Variants in UGT2B7 observed in about 807,000 individuals in gnomAD.
UGT2B7 encodes UDP glucuronosyltransferase family 2 member B7.
In UGT2B7, 51 loss-of-function variants were observed where a neutral mutation model predicts 51.9. The ratio of observed to expected loss-of-function variants is 0.98; its 90% CI spans 0.78 to 1.24. The LOEUF (loss-of-function observed/expected upper bound fraction) is 1.24, where lower values mean the gene tolerates loss of function less well. Among genes scored for constraint, UGT2B7 ranks in the 50% most tolerant of loss-of-function variants. The probability of loss-of-function intolerance (pLI) is 0.00; values close to 1 mark genes in which losing one functional copy is unlikely to be tolerated. For missense variants in UGT2B7, 727 were observed against 628.4 expected (o/e 1.16, Z -1.68); for synonymous variants, 225 against 211.6 (o/e 1.06, Z -0.55).
intron 1 of UGT2B7, among the ~76,000 whole-genome samples, chr4:69,054,915 T>A (rs1718142030): frequency 6.6e-6 from 1 of 151,638 alleles, no homozygotes; most frequent in Non-Finnish European, 1.5e-5. Flanking sequence ...ATTGCTACAG[T>A]CCTATTATTT....
intron 1 of UGT2B7, among the ~76,000 whole-genome samples, chr4:69,056,292 C>T (rs1168034824): frequency 6.6e-6 from 1 of 152,176 alleles, no homozygotes; most frequent in Non-Finnish European, 1.5e-5. Context: ...CATCTAAATG[C>T]TCAACCGAAT....
chr4:69,069,259 C>T (rs140778336), intron 1 of UGT2B7, among the ~76,000 whole-genome samples: 1 of 152,138 alleles, frequency 6.6e-6, no homozygotes, highest in East Asian at 1.9e-4. Flanking sequence ...TGTACCTGAC[C>T]TTGTCAGATT....
At chr4:69,068,613 T>C (rs1031578032) in intron 1 of UGT2B7, among the ~76,000 whole-genome samples, 1 of 152,008 alleles carries the variant, frequency 6.6e-6, no homozygotes, top group African/African-American at 2.4e-5. Context: ...ATATTGAATG[T>C]GTATGACACA....
intron 1 of UGT2B7, among the ~76,000 whole-genome samples, chr4:69,075,229 G>C (rs952876656): frequency 2.0e-5 from 3 of 152,044 alleles, no homozygotes; most frequent in African/African-American, 7.2e-5. Flanking sequence ...ATTAAACCGT[G>C]GTCCCTCCCC....
At chr4:69,093,116 T>A (rs1053909828), upstream of UGT2B7, among the ~76,000 whole-genome samples, 31 of 148,892 alleles carry the variant, frequency 2.1e-4, no homozygotes, top group African/African-American at 7.7e-4. Flanking sequence ...TCCCAGGGAG[T>A]TTTCAAATCT....
At chr4:69,055,452 T>C (rs1718165062) in intron 1 of UGT2B7, among the ~76,000 whole-genome samples, 1 of 148,842 alleles carries the variant, frequency 6.7e-6, no homozygotes. Flanking sequence ...TAAAGAAAAA[T>C]ATGTAACATT....
At chr4:69,106,179 G>T (rs868008777) in intron 3 of UGT2B7, among the ~76,000 whole-genome samples, 1 of 151,852 alleles carries the variant, frequency 6.6e-6, no homozygotes, top group Admixed American at 6.6e-5. Flanking sequence ...TGTCATGGGG[G>T]GTTATTGTAC....
chr4:69,055,098 T>TAAAAAAAAAAAAAAAAAAAAAAAAAA (rs1178892377), intron 1 of UGT2B7, among the ~76,000 whole-genome samples: 5 of 22,562 alleles, frequency 2.2e-4, no homozygotes, highest in African/African-American at 4.0e-4. Flanking sequence ...AAGTAATAGC[T>TAAAAAAAAAAAAAAAAAAAAAAAAAA]AAAAAAAAAA....
intron 1 of UGT2B7, among the ~76,000 whole-genome samples, chr4:69,063,009 C>T (rs1435352024): frequency 2.0e-5 from 3 of 152,098 alleles, no homozygotes; most frequent in Admixed American, 2.0e-4. Flanking sequence ...TATTAGGATG[C>T]CGTCACTGCA....
intron 1 of UGT2B7, among the ~76,000 whole-genome samples, chr4:69,057,486 T>C (rs1577905336): frequency 6.6e-6 from 1 of 152,314 alleles, no homozygotes; most frequent in East Asian, 1.9e-4. Flanking sequence ...TCTCAAAATA[T>C]TTAACGTAAG....
intron 1 of UGT2B7, among the ~76,000 whole-genome samples, chr4:69,055,622 A>T (rs770367301): frequency 7.2e-5 from 11 of 152,220 alleles, no homozygotes; most frequent in Admixed American, 3.9e-4. Flanking sequence ...TTTTGCAATT[A>T]GCCGAACACA....
chr4:69,056,555 G>A (rs1011282036), intron 1 of UGT2B7, among the ~76,000 whole-genome samples: 4 of 152,198 alleles, frequency 2.6e-5, no homozygotes, highest in African/African-American at 9.6e-5. Flanking sequence ...ATGTACCCAT[G>A]CAAGTGTGGC....
chr4:69,062,434 C>A (rs758299153), intron 1 of UGT2B7, among the ~76,000 whole-genome samples: 3 of 152,196 alleles, frequency 2.0e-5, no homozygotes, highest in Non-Finnish European at 2.9e-5. Context: ...ACCCAGTACA[C>A]CCTTTCAAAC....
Position 69,097,309 on chromosome 4 carries a change from T to A in UGT2B7, c.721+68T>A. 8 of 1,532,078 alleles carry A rather than the reference T, an allele frequency of 5.2e-6. No individual in the cohort carries two copies. The South Asian group carries it at 1.0e-4, about 19-fold the overall frequency. The allele number at this position is 1,532,078 out of a possible 1,614,324, so 94.9% of individuals were successfully genotyped here. A position where few individuals can be genotyped will look rare whatever the true frequency, so the allele number is the denominator to read the frequency against. On this transcript the variant is annotated intron_variant, in intron 1 of 5. Coordinates refer to ENST00000305231, the MANE Select transcript of UGT2B7 (RefSeq NM_001074.4). ...TTGTGTCTTTGAAGCAGAGCTTATATAAAGCCATAAAGTCAGGGTAGTGGG... is the reference window on the plus strand; with the variant it reads ...TTGTGTCTTTGAAGCAGAGCTTATAAAAAGCCATAAAGTCAGGGTAGTGGG...
At chr4:69,055,351 A>G (rs1718161581) in intron 1 of UGT2B7, among the ~76,000 whole-genome samples, 1 of 150,892 alleles carries the variant, frequency 6.6e-6, no homozygotes, top group Non-Finnish European at 1.5e-5. Context: ...ACTCCAAAAA[A>G]AAAAAAAGGT....
chr4:69,059,307 C>G (rs532461679), intron 1 of UGT2B7, among the ~76,000 whole-genome samples: 320 of 152,264 alleles, frequency 2.1e-3, no homozygotes, highest in African/African-American at 7.6e-3. Flanking sequence ...ATCGGTTGGT[C>G]AAAGAGGTGT....
intron 1 of UGT2B7, among the ~76,000 whole-genome samples, chr4:69,070,795 G>T (rs1340959193): frequency 6.6e-6 from 1 of 152,042 alleles, no homozygotes; most frequent in Non-Finnish European, 1.5e-5. Context: ...CACCTTCTAG[G>T]ACAAATCCAT....
chr4:69,087,662 T>G (rs1379051095), intron 1 of UGT2B7, among the ~76,000 whole-genome samples: 1 of 152,024 alleles, frequency 6.6e-6, no homozygotes, highest in Non-Finnish European at 1.5e-5. Flanking sequence ...TTTCGGAAAA[T>G]GTTATCACTC....
At chr4:69,109,420 C>T (rs532472465) in intron 5 of UGT2B7, among the ~76,000 whole-genome samples, 3 of 152,212 alleles carry the variant, frequency 2.0e-5, no homozygotes, top group East Asian at 1.9e-4. Context: ...CTTTTTGTTA[C>T]AGCCTTCTTA....
Sources: allele counts gnomAD v4.1 joint callset (sites outside exome capture counted in the v4.1 genomes callset), GRCh38; gene constraint gnomAD v4.1.1; transcripts MANE v1.5; gene names NCBI Gene and HGNC (gene_info 2026-07-23, HGNC 2026-07-21).